The following PCDHGB1 variants were observed in gnomAD, a reference collection of about 807,000 sequenced individuals.
PCDHGB1 encodes the protein protocadherin gamma subfamily B, 1.
In PCDHGB1, 34 loss-of-function variants were observed where a neutral mutation model predicts 56.6. That is an observed-to-expected ratio of 0.60 (90% CI 0.46 to 0.80). The LOEUF (loss-of-function observed/expected upper bound fraction) is 0.80, where lower values mean the gene tolerates loss of function less well. Ranked by LOEUF, PCDHGB1 falls within the 30% of genes least tolerant of loss-of-function variation. PCDHGB1 has a pLI of 0.00. For synonymous variants in PCDHGB1, 561 were observed against 505.9 expected, an observed-to-expected ratio of 1.11 and a Z score of -1.46; for missense variants, 1,278 against 1,204.6, an observed-to-expected ratio of 1.06 and a Z score of -0.90.
rs746696159 is a variant in PCDHGB1 at position 141,383,050 on chromosome 5, G to T, written c.2409+30381G>T. 23 of 1,613,778 alleles carry T rather than the reference G, an allele frequency of 1.4e-5. No individual in the cohort carries two copies. The Admixed American group carries it at 1.7e-4, about 12-fold the overall frequency. ...GTCCTTTGTGGGAGACATCGCCAAG[G>T]ACCTGGGGCTGGAGCCCCGGGAGCT... On this transcript the variant is annotated intron_variant, in intron 1 of 3. Transcript: ENST00000523390.
chr5:141,475,721 G>C (rs867365261), intron 1 of PCDHGB1, among the ~76,000 whole-genome samples: 5 of 152,248 alleles, frequency 3.3e-5, no homozygotes, highest in Non-Finnish European at 7.3e-5. Context: ...ACAGCCCCAA[G>C]GCTGGCTTTC....
chr5:141,499,253 T>C (rs1189676230), intron 2 of PCDHGB1, among the ~76,000 whole-genome samples: 1 of 152,030 alleles, frequency 6.6e-6, no homozygotes, highest in Non-Finnish European at 1.5e-5. Context: ...ACAAAGAGTC[T>C]CCATTTGGTC....
intron 1 of PCDHGB1, chr5:141,374,429 C>A: frequency 6.2e-7 from 1 of 1,613,972 alleles, no homozygotes. Context: ...TAAACTGAAT[C>A]TTTATCCCGT....
chr5:141,361,767 C>G, intron 1 of PCDHGB1: 1 of 1,613,142 alleles, frequency 6.2e-7, no homozygotes. Context: ...CGCTCAGCGC[C>G]AACGTGAGCC....
At position 141,356,954 on chromosome 5, in the gene PCDHGB1, G is replaced by C. The variant is rs769188767; in HGVS notation, c.2409+4285G>C. On this transcript the variant is annotated intron_variant, in intron 1 of 3. Coordinates refer to ENST00000523390, the MANE Select transcript of PCDHGB1 (RefSeq NM_018922.3). ...CTGGCACCCCGCTCCGCAGATTCCG[G>C]CTACCTGGTGACCAAAGTGGTGGCA... is the stretch of plus-strand genomic sequence containing the variant. The C allele has an allele frequency of 1.5e-5, 24 of 1,614,098 alleles. No individual in the cohort carries two copies. The Admixed American group carries it at 4.0e-4, about 27-fold the overall frequency.
chr5:141,430,404 A>C (rs1054341813), intron 1 of PCDHGB1, among the ~76,000 whole-genome samples: 1 of 152,000 alleles, frequency 6.6e-6, no homozygotes, highest in African/African-American at 2.4e-5. Context: ...AAAGCTCACT[A>C]AAGTTTCTAT....
At chr5:141,492,576 G>A (rs2099742137) in intron 1 of PCDHGB1, among the ~76,000 whole-genome samples, 1 of 152,234 alleles carries the variant, frequency 6.6e-6, no homozygotes, top group Admixed American at 6.5e-5. Context: ...AGCGAGGCGC[G>A]GGGCCAGGAG....
At position 141,487,137 on chromosome 5, in the gene PCDHGB1, T is replaced by A. The variant is rs2154580779; in HGVS notation, c.2410-7670T>A. ...GTAAAGGATAGTGGTAGTCCACCAC[T>A]CTCTACCTCTGTTACTCTCTTAGTG... On this transcript the variant is annotated intron_variant, in intron 1 of 3. Coordinates refer to ENST00000523390, the MANE Select transcript of PCDHGB1 (RefSeq NM_018922.3). The surrounding 1 kb of genome is among the most constrained non-coding windows in gnomAD (Gnocchi z 5.0). 1.9e-6 allele frequency: 3 copies of A among 1,614,092 alleles called. No individual in the cohort carries two copies. The East Asian group carries it at 6.7e-5, about 36-fold the overall frequency.
chr5:141,383,546 A>G (rs747474981), intron 1 of PCDHGB1: 1 of 1,612,542 alleles, frequency 6.2e-7, no homozygotes, highest in Non-Finnish European at 8.5e-7. Flanking sequence ...ACAGCCTCTG[A>G]TGGCGGCGAC....
chr5:141,441,310 C>T (rs2098239133), intron 1 of PCDHGB1: 1 of 152,154 alleles, frequency 6.6e-6, no homozygotes, highest in Non-Finnish European at 1.5e-5. Context: ...AGAAAATGCA[C>T]CTTGAGAAAA....
intron 1 of PCDHGB1, chr5:141,382,731 A>C: frequency 3.6e-6 from 2 of 554,530 alleles, no homozygotes; most frequent in Non-Finnish European, 6.1e-6. Context: ...TTTACAGCAC[A>C]GAGAAACGAC....
rs1430647254 is a variant in PCDHGB1 at position 141,477,750 on chromosome 5, C to T, written c.2410-17057C>T. On this transcript the variant is annotated intron_variant, in intron 1 of 3. Coordinates refer to ENST00000523390, the MANE Select transcript of PCDHGB1 (RefSeq NM_018922.3). This position sits in a 1 kb window ranked among gnomAD's most constrained non-coding sequence, Gnocchi z 4.9. ...GCTCATATCAGCGATGGGGGCACCC[C>T]GGTCCTAGCCACCAACATCAGCGTG... 8 of 1,613,772 alleles carry T rather than the reference C, an allele frequency of 5.0e-6. No individual in the cohort carries two copies. Among genetic ancestry groups the T allele is most frequent in the East Asian group, 2.2e-5 (1 of 44,890 alleles).
chr5:141,350,802 A>C lies in PCDHGB1; in HGVS notation c.542A>C (p.Glu181Ala), dbSNP rs1474398479. 1.9e-6 allele frequency: 3 copies of C among 1,614,024 alleles called. No individual in the cohort carries two copies. Among genetic ancestry groups the C allele is most frequent in the Non-Finnish European group, 2.5e-6 (3 of 1,179,884 alleles). The change falls in exon 1 of 4, where the codon GAA becomes GCA. Residue 181 changes from glutamate (E) to alanine (A), a missense_variant. Transcript: ENST00000523390. ...PNQYFSLSTKESPDGSKYPVL... is the reference protein window; with the variant it reads ...PNQYFSLSTKASPDGSKYPVL... ...CAATACTTCTCTCTGTCAACGAAGG[A>C]AAGTCCTGATGGAAGTAAATATCCG...
chr5:141,437,617 C>G (rs570138576), intron 1 of PCDHGB1, among the ~76,000 whole-genome samples: 1 of 152,220 alleles, frequency 6.6e-6, no homozygotes, highest in South Asian at 2.1e-4. Context: ...CTGCTTTATC[C>G]CCATATAAGA....
At chr5:141,450,898 C>T (rs929869116) in intron 1 of PCDHGB1, among the ~76,000 whole-genome samples, 12 of 150,412 alleles carry the variant, frequency 8.0e-5, no homozygotes, top group African/African-American at 2.9e-4. Context: ...GATATCGGCT[C>T]ACTGCAACCG....
intron 1 of PCDHGB1, among the ~76,000 whole-genome samples, chr5:141,456,250 C>T (rs1244300374): frequency 4.6e-5 from 7 of 152,014 alleles, no homozygotes; most frequent in African/African-American, 1.7e-4. Context: ...AGGCTTTGGG[C>T]GACCATTGCT....
intron 1 of PCDHGB1, chr5:141,408,855 G>A: frequency 6.2e-7 from 1 of 1,613,572 alleles, no homozygotes; most frequent in Non-Finnish European, 8.5e-7. Flanking sequence ...TTGGACGGAG[G>A]GGACCCACCA....
Position 141,477,686 on chromosome 5 carries a change from C to T in PCDHGB1, c.2410-17121C>T, listed in dbSNP as rs201090822. Reference sequence around the variant, plus strand: ...CAATGGCATAGTGTCATCCTTAGTGCCCCTAGACTATGAGGATCGGCGGGA... The same window carrying T: ...CAATGGCATAGTGTCATCCTTAGTGTCCCTAGACTATGAGGATCGGCGGGA... On this transcript the variant is annotated intron_variant, in intron 1 of 3. Coordinates refer to ENST00000523390, the MANE Select transcript of PCDHGB1 (RefSeq NM_018922.3). This position sits in a 1 kb window ranked among gnomAD's most constrained non-coding sequence, Gnocchi z 4.9. The T allele has an allele frequency of 4.3e-6, 7 of 1,614,024 alleles. No homozygotes were observed. The highest frequency in any genetic ancestry group is 1.6e-4 in the Middle Eastern group (1 of 6,084).
intron 1 of PCDHGB1, chr5:141,356,118 T>C: frequency 6.2e-7 from 1 of 1,613,582 alleles, no homozygotes; most frequent in Non-Finnish European, 8.5e-7. Flanking sequence ...TATTGGGGGG[T>C]CTAGATTATG....
Sources: gnomAD v4.1 joint callset for allele counts (sites outside exome capture counted in the v4.1 genomes callset) on GRCh38, gnomAD v4.1.1 for gene constraint, Gnocchi (gnomAD v3.1) non-coding constraint, MANE v1.5 for transcripts, NCBI Gene and HGNC (gene_info 2026-07-23, HGNC 2026-07-21) for gene names.